CDC27: variants seen among roughly 807,000 people sequenced by gnomAD.
CDC27 encodes the protein cell division cycle protein 27 homolog.
CDC27 carries 27 observed loss-of-function variants against 109.7 expected under a neutral mutation model. The observed-to-expected ratio is 0.25, with a 90% CI of 0.18 to 0.34. The LOEUF (loss-of-function observed/expected upper bound fraction) is 0.34, where lower values mean the gene tolerates loss of function less well. CDC27 is among the 10% of genes least tolerant of loss of function. The probability of loss-of-function intolerance (pLI) is 1.00; values close to 1 mark genes in which losing one functional copy is unlikely to be tolerated. For missense variants in CDC27, 579 were observed against 960.2 expected, an observed-to-expected ratio of 0.60 and a Z score of 5.25; for synonymous variants, 266 against 333.9, an observed-to-expected ratio of 0.80 and a Z score of 2.22.
intron 9 of CDC27, among the ~76,000 whole-genome samples, chr17:47,147,442 C>G (rs1218552545): frequency 6.8e-6 from 1 of 147,824 alleles, no homozygotes; most frequent in African/African-American, 2.5e-5. Context: ...AAAAAAAACA[C>G]TAGGCATAGA....
chr17:47,139,456 A>G (rs1320035147), intron 12 of CDC27, among the ~76,000 whole-genome samples: 1 of 151,784 alleles, frequency 6.6e-6, no homozygotes, highest in African/African-American at 2.4e-5. Flanking sequence ...TTTAGTAGAG[A>G]CAGGGTTTCA....
intron 2 of CDC27, among the ~76,000 whole-genome samples, chr17:47,178,392 G>A (rs1003945549): frequency 5.9e-5 from 9 of 151,602 alleles, no homozygotes; most frequent in African/African-American, 1.7e-4. Flanking sequence ...AAAATTAGCT[G>A]GGCATGGTAG....
At chr17:47,156,285 C>T (rs375434475) in intron 7 of CDC27, among the ~76,000 whole-genome samples, 1 of 151,718 alleles carries the variant, frequency 6.6e-6, no homozygotes, top group African/African-American at 2.4e-5. Context: ...TCTACAGGCG[C>T]GTGCCACCAC....
intron 18 of CDC27, among the ~76,000 whole-genome samples, chr17:47,121,914 A>G (rs2148785455): frequency 6.6e-6 from 1 of 151,936 alleles, no homozygotes; most frequent in East Asian, 1.9e-4. Context: ...TAATTTTTGT[A>G]TTTTTAGTAG....
chr17:47,130,877 CAA>C (rs35788312), intron 15 of CDC27, among the ~76,000 whole-genome samples: 1 of 139,038 alleles, frequency 7.2e-6, no homozygotes. Context: ...AACTCCATCT[CAA>C]AAAAAAAAAA....
chr17:47,160,015 T>C (rs1275770632), intron 4 of CDC27: 4 of 241,724 alleles, frequency 1.7e-5, no homozygotes, highest in Non-Finnish European at 2.4e-5. Flanking sequence ...TTTTTTTTTT[T>C]CAAACAAACT....
chr17:47,172,120 G>A, intron 2 of CDC27, 56 bp from the exon 3 acceptor site: 1 of 1,169,524 alleles, frequency 8.6e-7, no homozygotes. Flanking sequence ...ATGATAATCA[G>A]TTTATCATGC....
At chr17:47,168,730 A>T (rs1203776615) in intron 4 of CDC27, among the ~76,000 whole-genome samples, 1 of 152,160 alleles carries the variant, frequency 6.6e-6, no homozygotes, top group Non-Finnish European at 1.5e-5. Flanking sequence ...GTGTTAATGG[A>T]TAAACATACC....
Position 47,156,896 on chromosome 17 carries a change from T to C in CDC27, c.842+17A>G. 1 of 907,596 alleles carries C rather than the reference T, an allele frequency of 1.1e-6. No homozygotes were observed. Among genetic ancestry groups the C allele is most frequent in the South Asian group, 1.8e-5 (1 of 55,548 alleles). 56.2% of individuals were successfully genotyped at this position (907,596 alleles called of 1,614,324 possible). ...TTTGGTATTATAGCACATTTGAAAG[T>C]ATCTTGTTTGACTTACCTTGGGGTT... is the stretch of plus-strand genomic sequence containing the variant. On this transcript the variant is annotated intron_variant, in intron 7 of 18. Coordinates refer to ENST00000066544, the MANE Select transcript of CDC27 (RefSeq NM_001256.6).
At chr17:47,179,592 T>C (rs1263849514) in intron 2 of CDC27, among the ~76,000 whole-genome samples, 3 of 152,222 alleles carry the variant, frequency 2.0e-5, no homozygotes, top group Non-Finnish European at 4.4e-5. Context: ...TTAGAGTACC[T>C]AGTATACAGT....
At position 47,157,968 on chromosome 17, in the gene CDC27, T is replaced by C. The variant is rs189464692; in HGVS notation, c.475+238A>G. 2.6e-5 allele frequency among the ~76,000 whole-genome samples: 4 copies of C among 152,348 alleles called. No individual in the cohort carries two copies. The East Asian group carries it at 7.7e-4, about 29-fold the overall frequency. On this transcript the variant is annotated intron_variant, in intron 5 of 18. Coordinates refer to ENST00000066544, the MANE Select transcript of CDC27 (RefSeq NM_001256.6). Reference sequence around the variant, plus strand: ...ATAACCCATTCTAGAGGACACCAGATACTTGAAAATAGATTGGTTCAACAG... The same window carrying C: ...ATAACCCATTCTAGAGGACACCAGACACTTGAAAATAGATTGGTTCAACAG...
At chr17:47,148,178 A>G (rs893735103) in intron 9 of CDC27, among the ~76,000 whole-genome samples, 7 of 151,150 alleles carry the variant, frequency 4.6e-5, no homozygotes, top group African/African-American at 1.7e-4. Context: ...CAGCCTGGGC[A>G]ACAGAGCGAG....
At chr17:47,127,907 T>C (rs2062196703) in intron 16 of CDC27, among the ~76,000 whole-genome samples, 1 of 152,080 alleles carries the variant, frequency 6.6e-6, no homozygotes. Context: ...GGTTTTGCCA[T>C]GTTGCCCAGG....
chr17:47,121,465 T>C (rs1386238931), intron 18 of CDC27, among the ~76,000 whole-genome samples: 2 of 152,184 alleles, frequency 1.3e-5, no homozygotes, highest in East Asian at 1.9e-4. Context: ...CAATCATCTA[T>C]CTTGCTCTGT....
chr17:47,176,680 T>C (rs1175195273), intron 2 of CDC27, among the ~76,000 whole-genome samples: 2 of 152,112 alleles, frequency 1.3e-5, no homozygotes, highest in African/African-American at 4.8e-5. Flanking sequence ...GGAACATAAA[T>C]TTGGGAGGGG....
chr17:47,128,867 T>C (rs1465304625), intron 16 of CDC27, among the ~76,000 whole-genome samples: 1 of 151,168 alleles, frequency 6.6e-6, no homozygotes, highest in African/African-American at 2.4e-5. Context: ...GCCTCCTGGG[T>C]TCAAGTGATT....
At chr17:47,157,478 C>T (rs1233867213) in intron 5 of CDC27, 94 bp from the exon 6 acceptor site, 4 of 903,954 alleles carry the variant, frequency 4.4e-6, no homozygotes, top group East Asian at 2.6e-5. Flanking sequence ...AGGAAATAGG[C>T]CTTATCCAAA....
intron 18 of CDC27, 114 bp from the exon 19 acceptor site, chr17:47,121,131 A>C: frequency 1.5e-6 from 1 of 681,960 alleles, no homozygotes; most frequent in Non-Finnish European, 2.5e-6. Flanking sequence ...ACCCTAAATA[A>C]AGGCCCTTAA....
chr17:47,137,458 G>A (rs2062652091), intron 13 of CDC27, 98 bp from the exon 14 acceptor site: 1 of 591,886 alleles, frequency 1.7e-6, no homozygotes. Flanking sequence ...AGAACAGAAA[G>A]ACAAAAATGG....
Sources: allele counts gnomAD v4.1 joint callset (sites outside exome capture counted in the v4.1 genomes callset), GRCh38; gene constraint gnomAD v4.1.1; transcripts MANE v1.5; gene names NCBI Gene and HGNC (gene_info 2026-07-23, HGNC 2026-07-21).